Variants in PTPRG observed in about 807,000 individuals in gnomAD.
PTPRG encodes receptor-type tyrosine-protein phosphatase gamma.
In PTPRG, 102 loss-of-function variants were observed where a neutral mutation model predicts 165.3. The observed-to-expected ratio is 0.62, with a 90% CI of 0.53 to 0.73. PTPRG has a LOEUF of 0.73. Ranked by LOEUF, PTPRG falls within the 30% of genes least tolerant of loss-of-function variation. The pLI is 0.00. For synonymous variants in PTPRG, 675 were observed against 669.5 expected (o/e 1.01, Z -0.13); for missense variants, 1,866 against 1,861.4 (o/e 1.00, Z -0.05).
chr3:62,007,727 A>G (rs2041329433), intron 4 of PTPRG, among the ~76,000 whole-genome samples: 1 of 152,212 alleles, frequency 6.6e-6, no homozygotes, highest in African/African-American at 2.4e-5. Flanking sequence ...GTAGAGGGAC[A>G]TTTTGATAGG....
chr3:61,876,340 A>C (rs1426141102), intron 2 of PTPRG, among the ~76,000 whole-genome samples: 1 of 152,198 alleles, frequency 6.6e-6, no homozygotes, highest in Non-Finnish European at 1.5e-5. Context: ...AAGATGCTGG[A>C]ATTGAAAAAG....
chr3:62,197,992 A>G (rs1381671761), intron 10 of PTPRG, among the ~76,000 whole-genome samples: 1 of 152,186 alleles, frequency 6.6e-6, no homozygotes, highest in African/African-American at 2.4e-5. Flanking sequence ...AAGAAAAAAG[A>G]TATCTCCTTT....
chr3:62,269,397 C>G (rs2148869954), intron 20 of PTPRG, among the ~76,000 whole-genome samples: 1 of 152,242 alleles, frequency 6.6e-6, no homozygotes, highest in South Asian at 2.1e-4. Context: ...TCTACATGAA[C>G]AGGCTTCATT....
intron 8 of PTPRG, among the ~76,000 whole-genome samples, chr3:62,181,588 TA>T (rs2106776506): frequency 6.6e-6 from 1 of 152,286 alleles, no homozygotes; most frequent in African/African-American, 2.4e-5. Context: ...ACATTTTCCT[TA>T]AAAAGCGTGT....
At chr3:61,866,986 G>C (rs955530216) in intron 2 of PTPRG, among the ~76,000 whole-genome samples, 2 of 152,150 alleles carry the variant, frequency 1.3e-5, no homozygotes, top group African/African-American at 4.8e-5. Flanking sequence ...GGAAGGGTTT[G>C]ACAGGAGTTT....
intron 2 of PTPRG, among the ~76,000 whole-genome samples, chr3:61,974,943 C>T (rs971923944): frequency 6.6e-6 from 1 of 152,134 alleles, no homozygotes; most frequent in Non-Finnish European, 1.5e-5. Context: ...CCCACCAGTA[C>T]CAACCATTTA....
At chr3:62,280,296 G>C (rs144512446) in intron 26 of PTPRG, among the ~76,000 whole-genome samples, 47 of 152,036 alleles carry the variant, frequency 3.1e-4, no homozygotes, top group African/African-American at 1.1e-3. Flanking sequence ...CCAAGGCCTT[G>C]TGTCCTCATC....
chr3:62,151,868 T>G lies in PTPRG; in HGVS notation c.683-5199T>G, dbSNP rs529902380. On this transcript the variant is annotated intron_variant, in intron 6 of 29. Transcript: ENST00000474889. The stretch of plus-strand genomic sequence containing the variant: ...TACTGTGTCAAGCGCTCTCCTAAGC[T>G]CTCACCTGATGTTAACTCATTTGAG... 1.5e-3 allele frequency among the ~76,000 whole-genome samples: 223 copies of G among 152,244 alleles called. No homozygotes were observed. In the Middle Eastern group the frequency reaches 0.041, roughly 28 times the overall value.
chr3:62,190,595 C>T lies in PTPRG; in HGVS notation c.1034-874C>T, dbSNP rs556312678. Among the ~76,000 whole-genome samples the T allele has an allele frequency of 1.3e-5, 2 of 152,308 alleles. No individual in the cohort carries two copies. The highest frequency in any genetic ancestry group is 2.1e-4 in the South Asian group (1 of 4,828). ...GAGCCTGACTTTTCCTTACACCCCACGTCAGGATAATTACACGGGGTTCTG... is the reference window on the plus strand; with the variant it reads ...GAGCCTGACTTTTCCTTACACCCCATGTCAGGATAATTACACGGGGTTCTG... On this transcript the variant is annotated intron_variant, in intron 8 of 29. Transcript: ENST00000474889. This position sits in a 1 kb window ranked among gnomAD's most constrained non-coding sequence, Gnocchi z 5.2.
At chr3:62,235,443 C>T (rs923674424) in intron 14 of PTPRG, among the ~76,000 whole-genome samples, 7 of 152,218 alleles carry the variant, frequency 4.6e-5, no homozygotes, top group South Asian at 2.1e-4. Flanking sequence ...AGAACTGTCA[C>T]GGTCTCATCA....
intron 1 of PTPRG, among the ~76,000 whole-genome samples, chr3:61,570,597 C>T (rs2106771453): frequency 6.6e-6 from 1 of 152,254 alleles, no homozygotes; most frequent in East Asian, 1.9e-4. Flanking sequence ...GTTTTCATAG[C>T]ATTGCTGCCT....
intron 1 of PTPRG, among the ~76,000 whole-genome samples, chr3:61,634,476 G>A (rs1160438484): frequency 6.6e-6 from 1 of 151,948 alleles, no homozygotes; most frequent in Non-Finnish European, 1.5e-5. Context: ...CTGACCTCAC[G>A]ATCTGCCACT....
chr3:61,979,896 G>A (rs572438739), intron 2 of PTPRG, among the ~76,000 whole-genome samples: 1 of 152,090 alleles, frequency 6.6e-6, no homozygotes, highest in East Asian at 1.9e-4. Context: ...CCCCTGTGCT[G>A]TTGAGTGAGT....
chr3:62,003,213 C>A, intron 3 of PTPRG, 136 bp from the exon 4 acceptor site: 2 of 1,009,500 alleles, frequency 2.0e-6, no homozygotes, highest in Non-Finnish European at 2.8e-6. Flanking sequence ...CGGGTGTGTT[C>A]AACATATTTT....
chr3:61,903,909 C>T (rs2038569480), intron 2 of PTPRG, among the ~76,000 whole-genome samples: 3 of 152,174 alleles, frequency 2.0e-5, no homozygotes, highest in Admixed American at 1.3e-4. Context: ...CTTCCCACCC[C>T]TTTCCTTTTT....
chr3:62,278,228 C>T (rs1376078105), intron 26 of PTPRG, among the ~76,000 whole-genome samples: 10 of 152,014 alleles, frequency 6.6e-5, no homozygotes, highest in Non-Finnish European at 1.5e-4. Flanking sequence ...CTTATATAAT[C>T]ATTTTACTGT....
At chr3:61,680,000 C>G (rs1269139227) in intron 1 of PTPRG, among the ~76,000 whole-genome samples, 1 of 152,104 alleles carries the variant, frequency 6.6e-6, no homozygotes, top group Non-Finnish European at 1.5e-5. Flanking sequence ...TCGATTGTCC[C>G]CTTAAGCAAT....
At chr3:61,808,122 G>A (rs1184696022) in intron 2 of PTPRG, among the ~76,000 whole-genome samples, 2 of 152,216 alleles carry the variant, frequency 1.3e-5, no homozygotes, top group Non-Finnish European at 2.9e-5. Flanking sequence ...GAAATCCAGA[G>A]AGTGGATTCT....
intron 2 of PTPRG, among the ~76,000 whole-genome samples, chr3:61,854,896 T>G (rs2037058203): frequency 6.6e-6 from 1 of 151,870 alleles, no homozygotes; most frequent in African/African-American, 2.4e-5. Context: ...ATTTTGAATT[T>G]AAGATGCCAA....
Sources: allele counts gnomAD v4.1 joint callset (sites outside exome capture counted in the v4.1 genomes callset), GRCh38; gene constraint gnomAD v4.1.1; non-coding constraint Gnocchi (gnomAD v3.1); transcripts MANE v1.5; gene names NCBI Gene and HGNC (gene_info 2026-07-23, HGNC 2026-07-21).